FAM185A: variants seen among roughly 807,000 people sequenced by gnomAD.
FAM185A encodes protein FAM185A.
Under a neutral mutation model 45.7 loss-of-function variants are expected in FAM185A, and 21 were observed. The ratio of observed to expected loss-of-function variants is 0.46; its 90% CI spans 0.33 to 0.66. The LOEUF (loss-of-function observed/expected upper bound fraction) is 0.66, where lower values mean the gene tolerates loss of function less well. Among genes scored for constraint, FAM185A ranks in the 30% least tolerant of loss-of-function variants. The pLI is 0.03. For synonymous variants in FAM185A, 117 were observed against 194.0 expected, an observed-to-expected ratio of 0.60 and a Z score of 3.30; for missense variants, 305 against 485.4, an observed-to-expected ratio of 0.63 and a Z score of 3.49.
the FAM185A span, among the ~76,000 whole-genome samples, chr7:102,820,322 T>G: frequency 6.6e-6 from 1 of 152,242 alleles, no homozygotes; most frequent in African/African-American, 2.4e-5. Context: ...CAAGTTTGAT[T>G]GCAGAAGACA....
chr7:102,829,027 C>G, the FAM185A span, among the ~76,000 whole-genome samples: 1 of 152,182 alleles, frequency 6.6e-6, no homozygotes, highest in African/African-American at 2.4e-5. Flanking sequence ...ACTGGAACAG[C>G]CAGGCTCTGT....
rs1797265782 is a variant in FAM185A, at chr7:102,808,565, G to A, written c.*163G>A. The A allele has an allele frequency of 1.7e-6, 1 of 593,186 alleles. No individual in the cohort carries two copies. The highest frequency in any genetic ancestry group is 3.0e-6 in the Non-Finnish European group (1 of 333,644). The allele number at this position is 593,186 out of a possible 1,614,324, so 36.7% of individuals were successfully genotyped here. On this transcript the variant is annotated 3_prime_UTR_variant, in exon 8 of 8. Coordinates refer to ENST00000413034, the MANE Select transcript of FAM185A (RefSeq NM_001145268.2). ...TTTTCAAAATTTGTGCTTTGCTATT[G>A]TATTCATTTTCTACTGCTCTGTAAC...
At position 102,808,187 on chromosome 7, in the gene FAM185A, T is replaced by C. The variant is rs1181459143; in HGVS notation, c.1067-103T>C. ...CCAGTTCAGACTATCTTTACCAAGA[T>C]TCTTGATGTTCTAAGGTGTTTTTCA... On this transcript the variant is annotated intron_variant, in intron 7 of 7. Coordinates refer to ENST00000413034, the MANE Select transcript of FAM185A (RefSeq NM_001145268.2). 11 of 764,298 alleles carry C rather than the reference T, an allele frequency of 1.4e-5. No individual in the cohort carries two copies. In the East Asian group the frequency reaches 1.9e-4, roughly 13 times the overall value. The allele number at this position is 764,298 out of a possible 1,614,324, so 47.3% of individuals were successfully genotyped here.
intron 7 of FAM185A, among the ~76,000 whole-genome samples, chr7:102,799,002 C>T (rs1796614250): frequency 6.6e-6 from 1 of 152,216 alleles, no homozygotes; most frequent in Non-Finnish European, 1.5e-5. Context: ...CCCGCCCTGA[C>T]CTCCCAAAGT....
chr7:102,823,573 G>A, the FAM185A span, among the ~76,000 whole-genome samples: 1 of 152,182 alleles, frequency 6.6e-6, no homozygotes, highest in South Asian at 2.1e-4. Flanking sequence ...ATACTACTTA[G>A]AGTATTTCAC....
chr7:102,749,173 T>C lies in FAM185A; in HGVS notation c.-35T>C, dbSNP rs747543250. On this transcript the variant is annotated 5_prime_UTR_variant, in exon 1 of 8. Coordinates refer to ENST00000413034, the MANE Select transcript of FAM185A (RefSeq NM_001145268.2). ...CGTGGCAAGTGACCCTCCCTGTGGC[T>C]GAAGTGTTCTGAGGACTGGCGAGAG... 5.8e-6 allele frequency: 9 copies of C among 1,550,996 alleles called. No individual in the cohort carries two copies. In the South Asian group the frequency reaches 9.5e-5, roughly 16 times the overall value.
chr7:102,775,662 T>G (rs973477945), intron 5 of FAM185A, among the ~76,000 whole-genome samples: 14 of 152,246 alleles, frequency 9.2e-5, no homozygotes, highest in South Asian at 2.1e-4. Flanking sequence ...TTGTGTGTGT[T>G]TTTTTTCCCT....
the FAM185A span, among the ~76,000 whole-genome samples, chr7:102,844,288 C>T: frequency 1.3e-5 from 2 of 152,046 alleles, no homozygotes; most frequent in Non-Finnish European, 2.9e-5. Context: ...TGACGATTAT[C>T]GAAGTCTGAA....
At chr7:102,841,844 C>G in the FAM185A span, among the ~76,000 whole-genome samples, 16 of 152,284 alleles carry the variant, frequency 1.1e-4, no homozygotes, top group East Asian at 2.9e-3. Flanking sequence ...GGAAACTATC[C>G]TTGGCATGGA....
intron 2 of FAM185A, among the ~76,000 whole-genome samples, 179 bp from the exon 3 acceptor site, chr7:102,757,675 A>G (rs1793837089): frequency 6.6e-6 from 1 of 152,198 alleles, no homozygotes; most frequent in African/African-American, 2.4e-5. Flanking sequence ...TCCCTTTAAC[A>G]GCAGTTGACA....
At position 102,787,476 on chromosome 7, in the gene FAM185A, AG is replaced by A. The variant is rs1231386621; in HGVS notation, c.1066+9del. ...GATGTTGTAACAGTGACTGGTAAGG[AG>A]GCTGCATTTTGCTCTGTCAGATGAA... On this transcript the variant is annotated splice_region_variant and intron_variant, in intron 7 of 7. Coordinates refer to ENST00000413034, the MANE Select transcript of FAM185A (RefSeq NM_001145268.2). 1 of 1,461,538 alleles carries A rather than the reference AG, an allele frequency of 6.8e-7. No individual in the cohort carries two copies. Among genetic ancestry groups the A allele is most frequent in the African/African-American group, 1.4e-5 (1 of 70,832 alleles). 90.5% of individuals were successfully genotyped at this position (1,461,538 alleles called of 1,614,324 possible).
At chr7:102,814,665 C>A in the FAM185A span, among the ~76,000 whole-genome samples, 1 of 152,156 alleles carries the variant, frequency 6.6e-6, no homozygotes, top group South Asian at 2.1e-4. Context: ...TGAGTAAAAG[C>A]AATTATCATA....
the FAM185A span, among the ~76,000 whole-genome samples, chr7:102,829,943 C>A: frequency 1.3e-5 from 2 of 152,166 alleles, no homozygotes; most frequent in Non-Finnish European, 2.9e-5. Context: ...GTCCCCACAT[C>A]TTCTCAATCA....
chr7:102,805,832 A>G (rs2129444037), intron 7 of FAM185A, among the ~76,000 whole-genome samples: 1 of 152,290 alleles, frequency 6.6e-6, no homozygotes, highest in African/African-American at 2.4e-5. Flanking sequence ...TTATAGGTGG[A>G]TTTAAAGATT....
chr7:102,837,266 C>T, the FAM185A span, among the ~76,000 whole-genome samples: 2 of 152,236 alleles, frequency 1.3e-5, no homozygotes, highest in African/African-American at 4.8e-5. Context: ...AGATGCCACT[C>T]TTGCATTCCC....
At chr7:102,780,214 C>T (rs1259290536) in intron 6 of FAM185A, among the ~76,000 whole-genome samples, 1 of 152,082 alleles carries the variant, frequency 6.6e-6, no homozygotes, top group African/African-American at 2.4e-5. Flanking sequence ...ATTCTAAACC[C>T]CATCCTGACC....
chr7:102,823,291 C>A, the FAM185A span, among the ~76,000 whole-genome samples: 1 of 152,126 alleles, frequency 6.6e-6, no homozygotes, highest in East Asian at 1.9e-4. Context: ...TTACATGCTA[C>A]AAAACTACAA....
At chr7:102,834,138 G>GAA in the FAM185A span, among the ~76,000 whole-genome samples, 2 of 123,936 alleles carry the variant, frequency 1.6e-5, no homozygotes, top group African/African-American at 6.6e-5. Flanking sequence ...AAGAAAGAAA[G>GAA]AAAAGAGAAG....
chr7:102,816,174 T>C, the FAM185A span: 1 of 152,140 alleles, frequency 6.6e-6, no homozygotes, highest in South Asian at 2.1e-4. Flanking sequence ...CCCTGACTAT[T>C]GGAAGTGATG....
Sources: allele counts gnomAD v4.1 joint callset (sites outside exome capture counted in the v4.1 genomes callset), GRCh38; gene constraint gnomAD v4.1.1; transcripts MANE v1.5; gene names NCBI Gene and HGNC (gene_info 2026-07-23, HGNC 2026-07-21).